The following TTLL6 variants were observed in gnomAD, a reference collection of about 807,000 sequenced individuals.
TTLL6 encodes tubulin tyrosine ligase like 6.
TTLL6 carries 75 observed loss-of-function variants against 96.4 expected under a neutral mutation model. The ratio of observed to expected loss-of-function variants is 0.78; its 90% CI spans 0.65 to 0.94. The LOEUF is 0.94. Ranked by LOEUF, TTLL6 falls within the 40% of genes least tolerant of loss-of-function variation. The pLI is 0.00. For missense variants in TTLL6, 1,030 were observed against 1,093.0 expected (o/e 0.94, Z 0.81); for synonymous variants, 411 against 419.4 (o/e 0.98, Z 0.24).
intron 13 of TTLL6, among the ~76,000 whole-genome samples, chr17:48,780,128 C>A (rs540421870): frequency 1.3e-5 from 2 of 152,024 alleles, no homozygotes; most frequent in Admixed American, 1.3e-4. Flanking sequence ...ATAATCAAAT[C>A]ATATTTAAAT....
rs541019416 is a variant in TTLL6, at chr17:48,774,483, A to T, written c.2041-4386T>A. Among the ~76,000 whole-genome samples, 13 of 151,738 alleles carry T rather than the reference A, an allele frequency of 8.6e-5. No homozygotes were observed. In the South Asian group the frequency reaches 2.7e-3, roughly 31 times the overall value. On this transcript the variant is annotated intron_variant, in intron 13 of 15. Transcript: ENST00000393382. Reference sequence around the variant, plus strand: ...CCGGCCCAAAATCTAGTTTTTTTTTAAAAGGTCAATAAAATTGATAACTCC... The same window carrying T: ...CCGGCCCAAAATCTAGTTTTTTTTTTAAAGGTCAATAAAATTGATAACTCC...
Position 48,804,857 on chromosome 17 carries a change from G to A in TTLL6, c.238C>T (p.Leu80=). 1 of 1,552,368 alleles carries A rather than the reference G, an allele frequency of 6.4e-7. No homozygotes were observed. The highest frequency in any genetic ancestry group is 8.7e-7 in the Non-Finnish European group (1 of 1,147,148). ...SKEDPKETVA[L]AFVRENPGAQ... ...CCTGGGTTCTCTCTCACAAAAGCCA[G>A]CGCGACGGTTTCTTTTGGATCTTCT... Residue 80 remains leucine (L), a synonymous_variant, in exon 2 of 16, where the codon CTG becomes TTG. Transcript: ENST00000393382.
chr17:48,788,038 C>T, intron 10 of TTLL6, 39 bp from the exon 11 acceptor site: 1 of 1,596,946 alleles, frequency 6.3e-7, no homozygotes, highest in Non-Finnish European at 8.5e-7. Context: ...GTCAGGTTTT[C>T]TTGGGACAAA....
In TTLL6 at chr17:48,817,183, G is replaced by A. The variant is rs975150519; in HGVS notation, c.-111C>T. ...AGGCCTTCGATTGGCCCCTGCAGTA[G>A]CTGCCATGCCCCCTCCCTCCCGAAT... On this transcript the variant is annotated 5_prime_UTR_variant, in exon 1 of 16. Coordinates refer to ENST00000393382, the MANE Select transcript of TTLL6 (RefSeq NM_001130918.3). The A allele has an allele frequency of 3.2e-5, 21 of 663,990 alleles. No homozygotes were observed. The highest frequency in any genetic ancestry group is 3.0e-4 in the African/African-American group (16 of 52,942). The allele number at this position is 663,990 out of a possible 1,614,324, so 41.1% of individuals were successfully genotyped here. A position where few individuals can be genotyped will look rare whatever the true frequency, so the allele number is the denominator to read the frequency against.
chr17:48,769,304 C>T, intron 14 of TTLL6, 50 bp from the exon 15 acceptor site: 2 of 1,536,096 alleles, frequency 1.3e-6, no homozygotes, highest in Non-Finnish European at 1.8e-6. Context: ...CTGGATTCAG[C>T]ACAAATTCCT....
chr17:48,808,841 G>A (rs991794223), intron 1 of TTLL6, among the ~76,000 whole-genome samples: 5 of 152,208 alleles, frequency 3.3e-5, no homozygotes, highest in Non-Finnish European at 7.3e-5. Context: ...AAAGTGCTGG[G>A]ATTACAGGCG....
At chr17:48,795,578 C>A (rs2039302074) in intron 8 of TTLL6, among the ~76,000 whole-genome samples, 1 of 152,298 alleles carries the variant, frequency 6.6e-6, no homozygotes, top group South Asian at 2.1e-4. Context: ...TCAATTTCCC[C>A]CCTTCTGAGG....
chr17:48,784,413 A>G (rs1479702739), intron 13 of TTLL6, among the ~76,000 whole-genome samples: 3 of 152,150 alleles, frequency 2.0e-5, no homozygotes, highest in Non-Finnish European at 2.9e-5. Context: ...TCAAAAAAAA[A>G]AATAAGATAC....
chr17:48,808,437 A>C (rs980688937), intron 1 of TTLL6, among the ~76,000 whole-genome samples: 1 of 152,008 alleles, frequency 6.6e-6, no homozygotes, highest in Non-Finnish European at 1.5e-5. Flanking sequence ...GAGGGATTGC[A>C]TATTCCCATG....
At chr17:48,774,690 C>A (rs189281847) in intron 13 of TTLL6, among the ~76,000 whole-genome samples, 1 of 151,874 alleles carries the variant, frequency 6.6e-6, no homozygotes, top group African/African-American at 2.4e-5. Context: ...CACAAACTGC[C>A]GAAATTCATT....
intron 13 of TTLL6, among the ~76,000 whole-genome samples, chr17:48,783,967 A>C (rs922973353): frequency 2.0e-5 from 3 of 152,236 alleles, no homozygotes; most frequent in Non-Finnish European, 4.4e-5. Context: ...GTGTACTACC[A>C]AAATTCATGT....
chr17:48,813,878 T>G (rs1198342099), intron 1 of TTLL6, among the ~76,000 whole-genome samples: 1 of 152,158 alleles, frequency 6.6e-6, no homozygotes, highest in Non-Finnish European at 1.5e-5. Context: ...CCTCTGCCAG[T>G]CTGTGCTAGG....
rs948399481 is a variant in TTLL6 at position 48,762,982 on chromosome 17, A to G, written c.*1-9T>C. The G allele has an allele frequency of 3.0e-5, 13 of 436,602 alleles. No individual in the cohort carries two copies. The highest frequency in any genetic ancestry group is 2.7e-4 in the African/African-American group (13 of 48,412). The allele number at this position is 436,602 out of a possible 1,614,324, so 27.0% of individuals were successfully genotyped here. ...AGAGATCCAGTCTGATTCTGGAAAA[A>G]AAAAATTTTTTTTTTAGATTTTCCT... On this transcript the variant is annotated splice_polypyrimidine_tract_variant and intron_variant, in intron 15 of 15. Transcript: ENST00000393382.
chr17:48,801,464 A>C, intron 4 of TTLL6, 61 bp downstream of exon 4: 1 of 1,551,100 alleles, frequency 6.4e-7, no homozygotes, highest in Non-Finnish European at 8.7e-7. Context: ...CAGGTGTAAA[A>C]ATGGGGCCCC....
intron 15 of TTLL6, among the ~76,000 whole-genome samples, chr17:48,764,898 C>G (rs1321749908): frequency 6.6e-6 from 1 of 152,114 alleles, no homozygotes; most frequent in Non-Finnish European, 1.5e-5. Flanking sequence ...TATCTGCTAC[C>G]TGCAGAAATG....
At chr17:48,790,187 G>A in intron 9 of TTLL6, 81 bp from the exon 10 acceptor site, 1 of 1,510,270 alleles carries the variant, frequency 6.6e-7, no homozygotes, top group Non-Finnish European at 9.0e-7. Flanking sequence ...CACCTCCAGG[G>A]CACTACCAAA....
chr17:48,783,354 C>G (rs1022978143), intron 13 of TTLL6, among the ~76,000 whole-genome samples: 1 of 152,086 alleles, frequency 6.6e-6, no homozygotes, highest in Non-Finnish European at 1.5e-5. Flanking sequence ...CAGTTAGTAC[C>G]ATGTTCATGT....
intron 14 of TTLL6, 35 bp downstream of exon 14, chr17:48,769,693 G>C (rs915791333): frequency 1.3e-6 from 2 of 1,596,028 alleles, no homozygotes; most frequent in African/African-American, 1.3e-5. Flanking sequence ...TCCCCTTTAA[G>C]CTCCTGGCAC....
intron 3 of TTLL6, among the ~76,000 whole-genome samples, chr17:48,803,465 C>A (rs1456458122): frequency 3.5e-5 from 5 of 141,372 alleles, no homozygotes; most frequent in African/African-American, 1.1e-4. Flanking sequence ...CACTGCACTC[C>A]AGAGCAAGAT....
Sources: gnomAD v4.1 joint callset for allele counts (sites outside exome capture counted in the v4.1 genomes callset) on GRCh38, gnomAD v4.1.1 for gene constraint, MANE v1.5 for transcripts, NCBI Gene and HGNC (gene_info 2026-07-23, HGNC 2026-07-21) for gene names.